PTPRM: variants seen among roughly 807,000 people sequenced by gnomAD.
PTPRM encodes the protein receptor-type tyrosine-protein phosphatase mu.
A neutral mutation model predicts 186.7 loss-of-function variants in PTPRM; 47 were observed. The observed-to-expected ratio is 0.25, with a 90% CI of 0.20 to 0.32. PTPRM has a LOEUF of 0.32. Among genes scored for constraint, PTPRM ranks in the 10% least tolerant of loss-of-function variants. The pLI is 1.00. For synonymous variants in PTPRM, 668 were observed against 674.9 expected, an observed-to-expected ratio of 0.99 and a Z score of 0.16; for missense variants, 1,494 against 1,865.0, an observed-to-expected ratio of 0.80 and a Z score of 3.66.
At chr18:7,818,838 C>G (rs2045002588) in intron 2 of PTPRM, among the ~76,000 whole-genome samples, 2 of 152,182 alleles carry the variant, frequency 1.3e-5, no homozygotes, top group African/African-American at 2.4e-5. Context: ...GAACACAGCT[C>G]CTGCTGTCCA....
At chr18:8,040,507 C>T (rs572237936) in intron 7 of PTPRM, among the ~76,000 whole-genome samples, 7 of 152,230 alleles carry the variant, frequency 4.6e-5, no homozygotes, top group African/African-American at 1.7e-4. Context: ...AGAACAGAAT[C>T]ACAGATTTGT....
intron 7 of PTPRM, among the ~76,000 whole-genome samples, chr18:8,061,553 C>T (rs1240376674): frequency 1.2e-5 from 1 of 86,788 alleles, no homozygotes; most frequent in African/African-American, 5.1e-5. Context: ...TTCCTAGTCT[C>T]GATGGTCTTT....
chr18:7,906,436 T>C, intron 3 of PTPRM, 69 bp from the exon 4 acceptor site: 1 of 1,165,172 alleles, frequency 8.6e-7, no homozygotes, highest in South Asian at 1.3e-5. Flanking sequence ...ATGTGTCTTA[T>C]ATATAGGAGA....
intron 19 of PTPRM, among the ~76,000 whole-genome samples, chr18:8,289,443 C>CGTATATATATGTATATATAT (rs2094999206): frequency 1.5e-5 from 2 of 132,230 alleles, no homozygotes; most frequent in Admixed American, 7.8e-5. Context: ...TGTATATATA[C>CGTATATATATGTATATATAT]GTATATATGT....
intron 24 of PTPRM, among the ~76,000 whole-genome samples, chr18:8,372,506 G>A (rs902873718): frequency 6.6e-6 from 1 of 152,204 alleles, no homozygotes; most frequent in African/African-American, 2.4e-5. Context: ...TTCCTGGTTT[G>A]CAGATCCAAA....
At chr18:8,380,739 T>C (rs1186311695) in intron 29 of PTPRM, among the ~76,000 whole-genome samples, 1 of 152,018 alleles carries the variant, frequency 6.6e-6, no homozygotes, top group Non-Finnish European at 1.5e-5. Context: ...GCAGACCGAG[T>C]TGGAGCTCAG....
intron 14 of PTPRM, among the ~76,000 whole-genome samples, chr18:8,163,395 C>T (rs183512921): frequency 1.2e-3 from 183 of 152,234 alleles, no homozygotes; most frequent in African/African-American, 4.1e-3. Flanking sequence ...GAAACACACT[C>T]ACCATTCCTC....
intron 13 of PTPRM, 46 bp from the exon 14 acceptor site, chr18:8,143,601 C>T: frequency 1.0e-5 from 16 of 1,539,928 alleles, no homozygotes; most frequent in Non-Finnish European, 1.4e-5. Flanking sequence ...CATCTTTATT[C>T]TCTCTTACCT....
chr18:7,964,736 CAA>C (rs1237788271), intron 7 of PTPRM, among the ~76,000 whole-genome samples: 2 of 151,938 alleles, frequency 1.3e-5, no homozygotes, highest in East Asian at 3.9e-4. Context: ...TTAAGCAAAA[CAA>C]AAAATATGTA....
chr18:8,298,966 A>G (rs191159032), intron 20 of PTPRM, among the ~76,000 whole-genome samples: 12 of 152,306 alleles, frequency 7.9e-5, no homozygotes, highest in Admixed American at 3.3e-4. Flanking sequence ...AATTTTAAAA[A>G]TTAGTTGGGC....
intron 14 of PTPRM, among the ~76,000 whole-genome samples, chr18:8,218,588 T>C (rs1408396044): frequency 6.6e-6 from 1 of 152,204 alleles, no homozygotes; most frequent in Non-Finnish European, 1.5e-5. Flanking sequence ...TGTTGCACTC[T>C]TGGGGGACAA....
intron 2 of PTPRM, among the ~76,000 whole-genome samples, chr18:7,817,760 G>A (rs1010803306): frequency 5.9e-5 from 9 of 152,136 alleles, no homozygotes; most frequent in Admixed American, 1.3e-4. Flanking sequence ...CTGGAGTTGC[G>A]TTTGCACCAT....
intron 14 of PTPRM, among the ~76,000 whole-genome samples, chr18:8,211,543 A>G (rs113602055): frequency 0.18 from 27,393 of 148,974 alleles, 2,586 homozygotes; most frequent in Non-Finnish European, 0.22. Context: ...AGCTGGGATT[A>G]CAGGCACCCG....
intron 11 of PTPRM, among the ~76,000 whole-genome samples, chr18:8,100,130 TTGTG>T (rs141633477): frequency 5.4e-5 from 8 of 149,268 alleles, no homozygotes; most frequent in African/African-American, 1.7e-4. Flanking sequence ...TGCCACACAC[TTGTG>T]TGTGTGTGTG....
chr18:8,148,613 T>C (rs1478620170), intron 14 of PTPRM, among the ~76,000 whole-genome samples: 3 of 152,214 alleles, frequency 2.0e-5, no homozygotes, highest in Non-Finnish European at 2.9e-5. Context: ...CCTGGATTTA[T>C]TGATTTTTTT....
intron 7 of PTPRM, among the ~76,000 whole-genome samples, chr18:8,069,220 A>G (rs1016359940): frequency 6.6e-6 from 1 of 152,050 alleles, no homozygotes; most frequent in Non-Finnish European, 1.5e-5. Flanking sequence ...CAAGTTTGGA[A>G]GTAGGAAGGT....
At chr18:8,262,515 C>T (rs1025930223) in intron 19 of PTPRM, among the ~76,000 whole-genome samples, 4 of 152,174 alleles carry the variant, frequency 2.6e-5, no homozygotes, top group Non-Finnish European at 5.9e-5. Context: ...TCCTCCAGGC[C>T]TCCAGGGCTC....
chr18:7,911,752 A>G (rs2050274037), intron 4 of PTPRM, among the ~76,000 whole-genome samples: 1 of 115,280 alleles, frequency 8.7e-6, no homozygotes, highest in Middle Eastern at 4.5e-3. Context: ...TTTTTCTTTC[A>G]TCACTTAGAT....
chr18:8,028,286 A>G (rs1345796322), intron 7 of PTPRM, among the ~76,000 whole-genome samples: 1 of 152,122 alleles, frequency 6.6e-6, no homozygotes, highest in Non-Finnish European at 1.5e-5. Context: ...ACAGGTGTGC[A>G]CCACCGTGCC....
Sources: gnomAD v4.1 joint callset for allele counts (sites outside exome capture counted in the v4.1 genomes callset) on GRCh38, gnomAD v4.1.1 for gene constraint, MANE v1.5 for transcripts, NCBI Gene and HGNC (gene_info 2026-07-23, HGNC 2026-07-21) for gene names.